The following RGS6 variants were observed in gnomAD, a reference collection of about 807,000 sequenced individuals.
RGS6 encodes regulator of G protein signaling 6.
RGS6 carries 30 observed loss-of-function variants against 78.5 expected under a neutral mutation model. The observed-to-expected ratio is 0.38, with a 90% CI of 0.29 to 0.52. The LOEUF (loss-of-function observed/expected upper bound fraction) is 0.52. Among genes scored for constraint, RGS6 ranks in the 20% least tolerant of loss-of-function variants. RGS6 has a pLI of 0.85. For missense variants in RGS6, 495 were observed against 609.7 expected (o/e 0.81, Z 1.98); for synonymous variants, 206 against 206.0 (o/e 1.00, Z 0.00).
chr14:72,624,273 A>G, the RGS6 span, among the ~76,000 whole-genome samples: 4 of 151,924 alleles, frequency 2.6e-5, no homozygotes. Flanking sequence ...CCATTGGTGT[A>G]ATACTGTTAA....
At chr14:72,348,199 G>A (rs1238600423) in intron 2 of RGS6, among the ~76,000 whole-genome samples, 2 of 152,156 alleles carry the variant, frequency 1.3e-5, no homozygotes, top group Non-Finnish European at 2.9e-5. Context: ...TTTTCTAAAA[G>A]TCTGAGAAAT....
At chr14:72,630,027 G>C in the RGS6 span, among the ~76,000 whole-genome samples, 6 of 152,156 alleles carry the variant, frequency 3.9e-5, no homozygotes, top group East Asian at 1.9e-4. Flanking sequence ...CAGAGAGAAC[G>C]AGAGAGGAAA....
chr14:72,443,259 C>A (rs1228534206), intron 3 of RGS6, among the ~76,000 whole-genome samples: 1 of 152,204 alleles, frequency 6.6e-6, no homozygotes, highest in Non-Finnish European at 1.5e-5. Context: ...CTAGGGCTGG[C>A]CCCATTTTGC....
intron 2 of RGS6, among the ~76,000 whole-genome samples, chr14:72,165,262 A>G (rs78596337): frequency 0.015 from 2,227 of 152,354 alleles, 57 homozygotes; most frequent in African/African-American, 0.051. Context: ...TACACCAGCC[A>G]GGGATGCAAG....
At chr14:72,617,017 G>A in the RGS6 span, among the ~76,000 whole-genome samples, 5 of 152,240 alleles carry the variant, frequency 3.3e-5, no homozygotes, top group South Asian at 6.2e-4. Context: ...CCATCCTAAC[G>A]TCACTCCAGA....
intron 15 of RGS6, among the ~76,000 whole-genome samples, chr14:72,519,884 C>G (rs1175218394): frequency 6.6e-6 from 1 of 152,120 alleles, no homozygotes; most frequent in Non-Finnish European, 1.5e-5. Context: ...CTGGTCAAAA[C>G]CTTGATGCAT....
At chr14:71,883,608 G>A in the RGS6 span, among the ~76,000 whole-genome samples, 10 of 152,244 alleles carry the variant, frequency 6.6e-5, no homozygotes, top group South Asian at 4.1e-4. Context: ...ATTCTAAGTC[G>A]CAGGATGAGA....
At chr14:72,446,571 C>A (rs2095368916) in intron 3 of RGS6, among the ~76,000 whole-genome samples, 1 of 152,152 alleles carries the variant, frequency 6.6e-6, no homozygotes, top group Non-Finnish European at 1.5e-5. Context: ...AGTTTTTCCA[C>A]GGACCAGGGT....
intron 2 of RGS6, among the ~76,000 whole-genome samples, chr14:72,319,115 A>G (rs2071135244): frequency 6.6e-6 from 1 of 152,232 alleles, no homozygotes; most frequent in Admixed American, 6.5e-5. Context: ...ACATGACACT[A>G]CAAAGATATT....
At chr14:72,228,779 C>T (rs996981551) in intron 2 of RGS6, among the ~76,000 whole-genome samples, 1 of 152,240 alleles carries the variant, frequency 6.6e-6, no homozygotes, top group African/African-American at 2.4e-5. Context: ...GGCACGGTGG[C>T]TCACGCCTGT....
intron 3 of RGS6, among the ~76,000 whole-genome samples, chr14:72,414,733 G>A (rs934420187): frequency 6.6e-6 from 1 of 152,104 alleles, no homozygotes; most frequent in Non-Finnish European, 1.5e-5. Flanking sequence ...TGTTTTTGGT[G>A]TGGATGTCCT....
rs1240833537 is a variant in RGS6, at chr14:72,388,233, AACACAC to A, written c.184+36045_184+36050del. The stretch of plus-strand genomic sequence containing the variant: ...ATAATTTAAAGTATACATATGGGAA[AACACAC>A]ACACATACACATATATATATACACA... On this transcript the variant is annotated intron_variant, in intron 3 of 17. Transcript: ENST00000553525. Among the ~76,000 whole-genome samples, 6 of 151,966 alleles carry A rather than the reference AACACAC, an allele frequency of 3.9e-5. No homozygotes were observed. The East Asian group carries it at 7.7e-4, about 20-fold the overall frequency.
chr14:72,625,294 G>C, the RGS6 span, among the ~76,000 whole-genome samples: 1 of 151,950 alleles, frequency 6.6e-6, no homozygotes, highest in East Asian at 1.9e-4. Flanking sequence ...TTTTATATTA[G>C]TATAGATATT....
chr14:72,465,426 AGGGGTCAT>A (rs2095874421), intron 6 of RGS6, among the ~76,000 whole-genome samples: 1 of 148,052 alleles, frequency 6.8e-6, no homozygotes, highest in South Asian at 2.2e-4. Flanking sequence ...TATAGAGGTC[AGGGGTCAT>A]GAGGTCCACT....
At chr14:72,019,481 A>T (rs2087875743) in intron 2 of RGS6, among the ~76,000 whole-genome samples, 1 of 152,222 alleles carries the variant, frequency 6.6e-6, no homozygotes, top group African/African-American at 2.4e-5. Flanking sequence ...GTAAAAAGGC[A>T]GATGGGTGCA....
intron 2 of RGS6, among the ~76,000 whole-genome samples, chr14:72,047,400 T>G (rs2092931026): frequency 6.6e-6 from 1 of 152,196 alleles, no homozygotes; most frequent in African/African-American, 2.4e-5. Context: ...ATTATCCCCC[T>G]TTTCCCGTGA....
intron 1 of RGS6, among the ~76,000 whole-genome samples, chr14:71,948,465 C>T (rs1182923243): frequency 6.6e-6 from 1 of 152,168 alleles, no homozygotes; most frequent in Non-Finnish European, 1.5e-5. Flanking sequence ...CCTTGAGAAC[C>T]CAATATGCTG....
intron 3 of RGS6, among the ~76,000 whole-genome samples, chr14:72,438,893 G>C (rs1259151037): frequency 1.3e-5 from 2 of 152,236 alleles, no homozygotes; most frequent in Non-Finnish European, 2.9e-5. Context: ...TCTCCACTGT[G>C]TTCTGTGTGG....
chr14:72,614,252 C>G, the RGS6 span, among the ~76,000 whole-genome samples: 1 of 152,228 alleles, frequency 6.6e-6, no homozygotes, highest in Non-Finnish European at 1.5e-5. Context: ...CAGTTAGACT[C>G]TATGGCAAGC....
Sources: gnomAD v4.1 joint callset for allele counts (sites outside exome capture counted in the v4.1 genomes callset) on GRCh38, gnomAD v4.1.1 for gene constraint, MANE v1.5 for transcripts, NCBI Gene and HGNC (gene_info 2026-07-23, HGNC 2026-07-21) for gene names.